The following LIX1L variants were observed in gnomAD, a reference collection of about 807,000 sequenced individuals.
LIX1L encodes the protein LIX1-like protein.
Under a neutral mutation model 34.0 loss-of-function variants are expected in LIX1L, and 20 were observed. That is an observed-to-expected ratio of 0.59 (90% confidence interval 0.41 to 0.85). LIX1L has a LOEUF of 0.85. LIX1L is among the 40% of genes least tolerant of loss of function. The pLI is 0.00. For missense variants in LIX1L, 397 were observed against 447.0 expected (o/e 0.89, Z 1.01); for synonymous variants, 170 against 187.4 (o/e 0.91, Z 0.76).
rs1648649435 is a variant in LIX1L at position 145,936,487 on chromosome 1, G to C, written c.837C>G (p.Asp279Glu). ...GCACACTCTGCTCCCGGCTCACCCA[G>C]TCCAAGGCCATTTGGTGGCGAATAT... is the stretch of plus-strand genomic sequence containing the variant. ...DDDIRHQMAL[D>E]WVSREQSVPG... The change falls in exon 6 of 6, where the codon GAC becomes GAG. Residue 279 changes from aspartate to glutamate, a missense_variant. By Grantham distance (45) the Asp-to-Glu change is conservative (BLOSUM62 2). Coordinates refer to ENST00000604000, the MANE Select transcript of LIX1L (RefSeq NM_153713.3). 2 of 1,614,178 alleles carry C rather than the reference G, an allele frequency of 1.2e-6. No homozygotes were observed. Among genetic ancestry groups the C allele is most frequent in the South Asian group, 2.2e-5 (2 of 91,084 alleles).
At chr1:145,952,629 T>G (rs74557848) in intron 1 of LIX1L, among the ~76,000 whole-genome samples, 1 of 150,724 alleles carries the variant, frequency 6.6e-6, no homozygotes, top group Non-Finnish European at 1.5e-5. Context: ...TTTTTTTTTT[T>G]GAGACAAAGT....
chr1:145,952,904 C>A (rs1300599348), intron 1 of LIX1L, among the ~76,000 whole-genome samples: 6 of 152,100 alleles, frequency 3.9e-5, no homozygotes, highest in Non-Finnish European at 7.4e-5. Context: ...AGTCACCGCA[C>A]CTAACCTAAA....
In LIX1L at chr1:145,957,799, CG is replaced by C. The variant is rs1553760617; in HGVS notation, c.128del (p.Pro43ArgfsTer43). 12 of 1,344,658 alleles carry C rather than the reference CG, an allele frequency of 8.9e-6. No homozygotes were observed. The highest frequency in any genetic ancestry group is 3.8e-5 in the South Asian group (2 of 52,796). 83.3% of individuals were successfully genotyped at this position (1,344,658 alleles called of 1,614,324 possible). A position where few individuals can be genotyped will look rare whatever the true frequency, so the allele number is the denominator to read the frequency against. On this transcript the variant is annotated frameshift_variant, in exon 1 of 6. Transcript: ENST00000604000. LOFTEE classifies it high-confidence loss of function. Reference sequence around the variant, plus strand: ...GCGGTGCGGGAGGCGGCGGGGCAGGCGGGGGGCCCGCAGGGGGTGTGGCGGT... The same window carrying C: ...GCGGTGCGGGAGGCGGCGGGGCAGGCGGGGGCCCGCAGGGGGTGTGGCGGT... ...AATATPPAGPPPAPPPPAPPP... is the reference protein window; with the variant it reads ...AATATPPAGPXPAPPPPAPPP...
intron 3 of LIX1L, 42 bp from the exon 4 acceptor site, chr1:145,937,741 A>G: frequency 8.4e-7 from 1 of 1,195,210 alleles, no homozygotes; most frequent in African/African-American, 1.5e-5. Flanking sequence ...ATTTTCAACC[A>G]GGATTATCAT....
chr1:145,939,305 A>ATT (rs61153888), intron 3 of LIX1L, among the ~76,000 whole-genome samples: 18 of 137,446 alleles, frequency 1.3e-4, no homozygotes, highest in East Asian at 1.0e-3. Context: ...TGGAACCATA[A>ATT]TTTTTTTTTT....
intron 3 of LIX1L, 117 bp downstream of exon 3, chr1:145,942,596 G>A: frequency 1.1e-6 from 1 of 909,784 alleles, no homozygotes; most frequent in Non-Finnish European, 1.7e-6. Context: ...AAAGAACAGA[G>A]AGGTGGACCA....
chr1:145,944,400 T>C (rs1437754966), intron 2 of LIX1L: 2 of 152,202 alleles, frequency 1.3e-5, no homozygotes, highest in Non-Finnish European at 2.9e-5. Flanking sequence ...GTTTAGTACT[T>C]AAGCATCCCT....
Position 145,936,282 on chromosome 1 carries a change from A to C in LIX1L, c.*28T>G. The C allele has an allele frequency of 3.1e-6, 5 of 1,606,270 alleles. No homozygotes were observed. In the African/African-American group the frequency reaches 6.7e-5, roughly 21 times the overall value. On this transcript the variant is annotated 3_prime_UTR_variant, in exon 6 of 6. Transcript: ENST00000604000. The stretch of plus-strand genomic sequence containing the variant: ...AGGAGACATAAAAAAAGGCTGTGGA[A>C]AGCCTGGGGAGTTATGTGGGTGGAT...
At chr1:145,936,632 A>T in intron 5 of LIX1L, 80 bp from the exon 6 acceptor site, 2 of 1,549,946 alleles carry the variant, frequency 1.3e-6, no homozygotes, top group African/African-American at 2.7e-5. Flanking sequence ...TGGGACTAAG[A>T]ACTCAGCTTT....
chr1:145,955,734 A>G (rs1446604669), intron 1 of LIX1L, among the ~76,000 whole-genome samples: 1 of 152,208 alleles, frequency 6.6e-6, no homozygotes, highest in African/African-American at 2.4e-5. Flanking sequence ...GAAATGAGAA[A>G]CTCAAGAATA....
intron 5 of LIX1L, 69 bp from the exon 6 acceptor site, chr1:145,936,621 C>A (rs587673759): frequency 1.8e-5 from 29 of 1,574,402 alleles, no homozygotes; most frequent in African/African-American, 4.0e-5. Flanking sequence ...ACTGACCCAA[C>A]TGGGACTAAG....
chr1:145,948,108 GT>G lies in LIX1L; in HGVS notation c.293-327del, dbSNP rs1208842294. On this transcript the variant is annotated intron_variant, in intron 1 of 5. Coordinates refer to ENST00000604000, the MANE Select transcript of LIX1L (RefSeq NM_153713.3). The surrounding 1 kb of genome is among the most constrained non-coding windows in gnomAD (Gnocchi z 4.0). ...GAATAACTTAAATATTGAAGGCAGA[GT>G]TCCCAATGTCAGCAGACCATTATCA... 6.6e-6 allele frequency among the ~76,000 whole-genome samples: 1 copy of G among 152,044 alleles called. No individual in the cohort carries two copies. Among genetic ancestry groups the G allele is most frequent in the Non-Finnish European group, 1.5e-5 (1 of 68,016 alleles).
intron 5 of LIX1L, 101 bp downstream of exon 5, chr1:145,936,807 T>G: frequency 1.1e-6 from 1 of 895,394 alleles, no homozygotes; most frequent in African/African-American, 1.6e-5. Context: ...TTCACAACCA[T>G]AGGTCACAAT....
intron 2 of LIX1L, chr1:145,944,549 C>T (rs1040329871): frequency 6.6e-6 from 1 of 152,280 alleles, no homozygotes. Context: ...CTGGCCTGCT[C>T]TATAGTGCTG....
chr1:145,937,154 AT>A (rs1648682918), intron 4 of LIX1L, among the ~76,000 whole-genome samples, 169 bp from the exon 5 acceptor site: 3 of 149,312 alleles, frequency 2.0e-5, no homozygotes, highest in Non-Finnish European at 4.4e-5. Flanking sequence ...TTATTTATTT[AT>A]TTATTTATTT....
At chr1:145,957,568 C>G (rs1162527155) in intron 1 of LIX1L, 68 bp downstream of exon 1, 4 of 1,386,680 alleles carry the variant, frequency 2.9e-6, no homozygotes, top group African/African-American at 1.5e-5. Flanking sequence ...AAAAGCGATC[C>G]GGAGGACTGT....
chr1:145,948,652 G>C lies in LIX1L; in HGVS notation c.293-870C>G, dbSNP rs1265897893. ...GCCATATGGTGAGATGCGAAGCAAT[G>C]CAATGGGAAGCAATTGGAGGACTTT... On this transcript the variant is annotated intron_variant, in intron 1 of 5. Coordinates refer to ENST00000604000, the MANE Select transcript of LIX1L (RefSeq NM_153713.3). This position sits in a 1 kb window ranked among gnomAD's most constrained non-coding sequence, Gnocchi z 4.0. 2.0e-5 allele frequency: 3 copies of C among 152,236 alleles called. No homozygotes were observed. Among genetic ancestry groups the C allele is most frequent in the African/African-American group, 7.2e-5 (3 of 41,448 alleles). 9.4% of individuals were successfully genotyped at this position (152,236 alleles called of 1,614,324 possible).
Position 145,957,932 on chromosome 1 carries a change from G to A in LIX1L, c.-5C>T, listed in dbSNP as rs2101913486. On this transcript the variant is annotated 5_prime_UTR_variant, in exon 1 of 6. Transcript: ENST00000604000. ...CTGCGCTCGCATAGTCTCCATCCCG[G>A]CCGCCAATGGAGTAGCGCCCCGGAG... is the stretch of plus-strand genomic sequence containing the variant. 6.8e-7 allele frequency: 1 copy of A among 1,474,102 alleles called. No homozygotes were observed. The highest frequency in any genetic ancestry group is 9.0e-7 in the Non-Finnish European group (1 of 1,115,370). The allele number at this position is 1,474,102 out of a possible 1,614,324, so 91.3% of individuals were successfully genotyped here. A position where few individuals can be genotyped will look rare whatever the true frequency, so the allele number is the denominator to read the frequency against.
chr1:145,949,760 C>A (rs1052800430), intron 1 of LIX1L, among the ~76,000 whole-genome samples: 1 of 151,532 alleles, frequency 6.6e-6, no homozygotes, highest in Non-Finnish European at 1.5e-5. Flanking sequence ...GCTAAAGCCT[C>A]ATAATAATAA....
Sources: gnomAD v4.1 joint callset for allele counts (sites outside exome capture counted in the v4.1 genomes callset) on GRCh38, gnomAD v4.1.1 for gene constraint, Gnocchi (gnomAD v3.1) non-coding constraint, MANE v1.5 for transcripts, NCBI Gene and HGNC (gene_info 2026-07-23, HGNC 2026-07-21) for gene names.